Variants in SNTG1 observed in about 807,000 individuals in gnomAD.
SNTG1 encodes gamma-1-syntrophin.
A neutral mutation model predicts 74.7 loss-of-function variants in SNTG1; 39 were observed. That is an observed-to-expected ratio of 0.52 (90% CI 0.40 to 0.68). SNTG1 has a LOEUF of 0.68. Ranked by LOEUF, SNTG1 falls within the 30% of genes least tolerant of loss-of-function variation. The probability of loss-of-function intolerance (pLI) is 0.00; values close to 1 mark genes in which losing one functional copy is unlikely to be tolerated. For missense variants in SNTG1, 685 were observed against 609.5 expected (o/e 1.12, Z -1.30); for synonymous variants, 254 against 217.1 (o/e 1.17, Z -1.49).
intron 2 of SNTG1, among the ~76,000 whole-genome samples, chr8:50,236,326 T>A (rs1215841652): frequency 3.3e-5 from 5 of 152,160 alleles, no homozygotes; most frequent in African/African-American, 4.8e-5. Context: ...CTAATTAGTG[T>A]CTTAGTGACT....
At chr8:50,334,729 A>C (rs1210657587) in intron 2 of SNTG1, among the ~76,000 whole-genome samples, 1 of 152,210 alleles carries the variant, frequency 6.6e-6, no homozygotes, top group Admixed American at 6.5e-5. Context: ...TTTATAAAAT[A>C]ATAAAGAAAA....
At chr8:50,684,428 CTTGT>C (rs1310451059) in intron 15 of SNTG1, among the ~76,000 whole-genome samples, 2 of 151,986 alleles carry the variant, frequency 1.3e-5, no homozygotes, top group Non-Finnish European at 2.9e-5. Context: ...TTGTGTGTCT[CTTGT>C]TTGTTTGCTT....
Position 50,502,850 on chromosome 8 carries a change from C to T in SNTG1, c.436C>T (p.Leu146Phe), listed in dbSNP as rs757388488. The change falls in exon 9 of 19, where the codon CTC (leucine) becomes TTC (phenylalanine). Residue 146 changes from leucine to phenylalanine, a missense_variant. By Grantham distance (22) the Leu-to-Phe change is conservative (BLOSUM62 0). Transcript: ENST00000642720. ...ATTTTTAAAAAGAGCACCTGCTTTC[C>T]TCAAACTCCCATTGAATGAAGATTG... ...VSFLKRAPAFLKLPLNEDCAC... is the reference protein window; with the variant it reads ...VSFLKRAPAFFKLPLNEDCAC... 39 of 1,612,988 alleles carry T rather than the reference C, an allele frequency of 2.4e-5. No homozygotes were observed. Among genetic ancestry groups the T allele is most frequent in the South Asian group, 4.4e-5 (4 of 90,976 alleles).
chr8:50,076,872 T>TA (rs1173085057), intron 1 of SNTG1, among the ~76,000 whole-genome samples: 7 of 152,154 alleles, frequency 4.6e-5, no homozygotes, highest in Admixed American at 2.0e-4. Flanking sequence ...AGTGTGTTTT[T>TA]AAAAAACATT....
intron 18 of SNTG1, among the ~76,000 whole-genome samples, chr8:50,786,060 T>C (rs991728837): frequency 6.6e-6 from 1 of 152,004 alleles, no homozygotes; most frequent in African/African-American, 2.4e-5. Flanking sequence ...CCCACTTTCA[T>C]CAACCTTGTG....
intron 1 of SNTG1, among the ~76,000 whole-genome samples, chr8:50,076,695 A>G (rs901746484): frequency 4.6e-5 from 7 of 152,158 alleles, no homozygotes; most frequent in Non-Finnish European, 1.0e-4. Flanking sequence ...TGTAAATTAT[A>G]GTAATTAAGC....
intron 12 of SNTG1, among the ~76,000 whole-genome samples, chr8:50,580,660 C>T (rs975852878): frequency 6.6e-6 from 1 of 152,164 alleles, no homozygotes; most frequent in African/African-American, 2.4e-5. Flanking sequence ...TTTTGCTTGG[C>T]ACTTCTCCTT....
At chr8:50,448,632 C>A (rs1257528099) in intron 5 of SNTG1, among the ~76,000 whole-genome samples, 1 of 152,166 alleles carries the variant, frequency 6.6e-6, no homozygotes, top group Non-Finnish European at 1.5e-5. Flanking sequence ...CTCTGTAATA[C>A]AGAAATGGGA....
intron 1 of SNTG1, among the ~76,000 whole-genome samples, chr8:50,074,650 T>C (rs1384029086): frequency 1.3e-5 from 2 of 152,204 alleles, no homozygotes; most frequent in African/African-American, 2.4e-5. Flanking sequence ...AACATAATAA[T>C]AATGAAAAAG....
At chr8:50,571,468 A>C (rs537662570) in intron 12 of SNTG1, among the ~76,000 whole-genome samples, 4 of 152,228 alleles carry the variant, frequency 2.6e-5, no homozygotes, top group Non-Finnish European at 4.4e-5. Flanking sequence ...TTGGGAGTGC[A>C]GTGATGGCAC....
chr8:49,991,615 A>T (rs1813697985), intron 1 of SNTG1, among the ~76,000 whole-genome samples: 1 of 152,184 alleles, frequency 6.6e-6, no homozygotes, highest in Non-Finnish European at 1.5e-5. Flanking sequence ...AAGAAATAAG[A>T]ATAAGAAAAA....
chr8:50,064,618 A>G (rs1355979940), intron 1 of SNTG1, among the ~76,000 whole-genome samples: 1 of 152,194 alleles, frequency 6.6e-6, no homozygotes, highest in Non-Finnish European at 1.5e-5. Context: ...GTCATCCACA[A>G]TCTGGCCCTG....
chr8:50,127,021 G>A (rs891711734), intron 1 of SNTG1, among the ~76,000 whole-genome samples: 12 of 152,046 alleles, frequency 7.9e-5, no homozygotes, highest in African/African-American at 2.7e-4. Flanking sequence ...CCCCAGTCAG[G>A]GATAAAAATA....
chr8:50,515,873 C>T (rs117361706), intron 9 of SNTG1, among the ~76,000 whole-genome samples: 8,304 of 152,026 alleles, frequency 0.055, 341 homozygotes, highest in South Asian at 0.18. Flanking sequence ...GCTGTGGGCA[C>T]GGCTTCAGCA....
At chr8:50,444,991 G>A (rs1016495409) in intron 5 of SNTG1, among the ~76,000 whole-genome samples, 1 of 152,106 alleles carries the variant, frequency 6.6e-6, no homozygotes, top group Non-Finnish European at 1.5e-5. Flanking sequence ...TATCACGGCA[G>A]TCAATTTTAG....
intron 2 of SNTG1, among the ~76,000 whole-genome samples, chr8:50,322,240 T>A (rs187824761): frequency 1.3e-5 from 2 of 152,292 alleles, no homozygotes; most frequent in East Asian, 3.9e-4. Context: ...TTCTCTTTCA[T>A]GCTTGAAAGA....
intron 1 of SNTG1, among the ~76,000 whole-genome samples, chr8:50,112,515 CTTTTT>C (rs34942560): frequency 6.4e-5 from 5 of 77,582 alleles, no homozygotes; most frequent in African/African-American, 1.5e-4. Context: ...TTAGTTCTTT[CTTTTT>C]TTTTTTTTTT....
intron 9 of SNTG1, among the ~76,000 whole-genome samples, chr8:50,511,798 C>T (rs2129952668): frequency 6.6e-6 from 1 of 152,212 alleles, no homozygotes; most frequent in Non-Finnish European, 1.5e-5. Context: ...TTATTTTGAG[C>T]CTATGTGTGT....
intron 1 of SNTG1, among the ~76,000 whole-genome samples, chr8:50,156,549 T>G (rs1413128821): frequency 6.6e-6 from 1 of 152,058 alleles, no homozygotes; most frequent in Non-Finnish European, 1.5e-5. Context: ...GTATATATAG[T>G]TATATATGTA....
Sources: allele counts gnomAD v4.1 joint callset (sites outside exome capture counted in the v4.1 genomes callset), GRCh38; gene constraint gnomAD v4.1.1; transcripts MANE v1.5; gene names NCBI Gene and HGNC (gene_info 2026-07-23, HGNC 2026-07-21).